Variants in IGSF11 observed in about 807,000 individuals in gnomAD.
IGSF11 encodes the protein immunoglobulin superfamily member 11.
In IGSF11, 22 loss-of-function variants were observed where a neutral mutation model predicts 41.0. That is an observed-to-expected ratio of 0.54 (90% confidence interval 0.38 to 0.77). IGSF11 has a LOEUF of 0.77. IGSF11 is among the 30% of genes least tolerant of loss of function. The probability of loss-of-function intolerance (pLI) is 0.00; values close to 1 mark genes in which losing one functional copy is unlikely to be tolerated. For synonymous variants in IGSF11, 219 were observed against 201.3 expected (o/e 1.09, Z -0.74); for missense variants, 444 against 530.8 (o/e 0.84, Z 1.61).
chr3:118,944,210 T>A (rs1308487898), intron 1 of IGSF11, among the ~76,000 whole-genome samples: 1 of 152,230 alleles, frequency 6.6e-6, no homozygotes, highest in East Asian at 1.9e-4. Context: ...AGAGTTTGGT[T>A]ATCCTTTTAG....
intron 1 of IGSF11, among the ~76,000 whole-genome samples, chr3:119,097,189 C>T (rs570569853): frequency 1.3e-5 from 2 of 152,162 alleles, no homozygotes; most frequent in East Asian, 3.9e-4. Context: ...CTTTGGGAGC[C>T]CCTATTTTGT....
chr3:119,130,691 C>A (rs2077470046), intron 1 of IGSF11, among the ~76,000 whole-genome samples: 1 of 152,194 alleles, frequency 6.6e-6, no homozygotes, highest in South Asian at 2.1e-4. Context: ...TCTGACAGCT[C>A]TGAAGAGAGC....
chr3:118,923,786 G>T (rs1015029788), intron 4 of IGSF11, among the ~76,000 whole-genome samples: 1 of 152,114 alleles, frequency 6.6e-6, no homozygotes. Context: ...ATGAGATTTA[G>T]GTTATGTGTT....
intron 1 of IGSF11, among the ~76,000 whole-genome samples, chr3:119,133,947 A>G (rs1352149873): frequency 1.3e-5 from 2 of 152,156 alleles, no homozygotes; most frequent in Non-Finnish European, 2.9e-5. Flanking sequence ...AATCCATCAC[A>G]TAAACAGAAC....
At chr3:118,927,761 C>T (rs1446968593) in intron 3 of IGSF11, among the ~76,000 whole-genome samples, 5 of 152,144 alleles carry the variant, frequency 3.3e-5, no homozygotes, top group Non-Finnish European at 5.9e-5. Context: ...GTTTAGCCAC[C>T]TCTACCACAA....
intron 1 of IGSF11, among the ~76,000 whole-genome samples, chr3:119,091,643 G>A (rs1051605952): frequency 6.6e-6 from 1 of 152,112 alleles, no homozygotes; most frequent in Non-Finnish European, 1.5e-5. Context: ...TTATAACTGG[G>A]AGCTAAACAC....
intron 1 of IGSF11, among the ~76,000 whole-genome samples, chr3:119,097,498 G>T (rs2076872717): frequency 6.6e-6 from 1 of 151,998 alleles, no homozygotes; most frequent in African/African-American, 2.4e-5. Flanking sequence ...GCAAGCACAG[G>T]TTGGGGGTGA....
intron 4 of IGSF11, 160 bp downstream of exon 4, chr3:118,925,941 T>C (rs538342191): frequency 4.7e-6 from 2 of 425,464 alleles, no homozygotes; most frequent in East Asian, 3.6e-5. Flanking sequence ...AGAGAGAAAA[T>C]CTTTTATTCA....
At chr3:118,911,254 CA>C (rs111386363) in intron 4 of IGSF11, among the ~76,000 whole-genome samples, 7,119 of 147,034 alleles carry the variant, frequency 0.048, 544 homozygotes, top group African/African-American at 0.17. Context: ...TGTCAGAGGG[CA>C]AAAAAAAAGG....
chr3:119,073,455 G>A (rs1317056862), intron 1 of IGSF11, among the ~76,000 whole-genome samples: 1 of 152,222 alleles, frequency 6.6e-6, no homozygotes, highest in Non-Finnish European at 1.5e-5. Context: ...CCATGGAGCA[G>A]GTGGTGGCGC....
intron 1 of IGSF11, among the ~76,000 whole-genome samples, chr3:119,102,385 G>A (rs2076951890): frequency 6.6e-6 from 1 of 152,200 alleles, no homozygotes; most frequent in African/African-American, 2.4e-5. Flanking sequence ...GATTGCTGCT[G>A]TGGAGGTCTG....
intron 1 of IGSF11, among the ~76,000 whole-genome samples, chr3:119,130,876 C>G (rs1377691569): frequency 1.3e-5 from 2 of 152,204 alleles, no homozygotes; most frequent in Non-Finnish European, 2.9e-5. Flanking sequence ...GCAATATTTG[C>G]TGTTCTGCAG....
At chr3:118,994,043 T>C (rs541958741) in intron 1 of IGSF11, among the ~76,000 whole-genome samples, 22 of 152,356 alleles carry the variant, frequency 1.4e-4, no homozygotes, top group Admixed American at 7.2e-4. Flanking sequence ...TAAAATAGTT[T>C]TGCATTGTGC....
intron 1 of IGSF11, among the ~76,000 whole-genome samples, chr3:119,114,166 AT>A (rs902295355): frequency 1.3e-5 from 2 of 152,160 alleles, no homozygotes; most frequent in African/African-American, 4.8e-5. Flanking sequence ...CCTTCAAGGC[AT>A]TTTCCCCATT....
intron 1 of IGSF11, among the ~76,000 whole-genome samples, chr3:118,998,411 A>G (rs1936478265): frequency 6.6e-6 from 1 of 152,150 alleles, no homozygotes; most frequent in Non-Finnish European, 1.5e-5. Context: ...AGCTCTGTAT[A>G]TTGCATTATC....
chr3:118,974,916 C>CAA (rs35575167), intron 1 of IGSF11, among the ~76,000 whole-genome samples: 10 of 145,022 alleles, frequency 6.9e-5, no homozygotes, highest in African/African-American at 2.5e-4. Flanking sequence ...TAACAGATAA[C>CAA]AAAAAAAAAA....
At chr3:119,055,726 G>C (rs1358997315) in intron 1 of IGSF11, among the ~76,000 whole-genome samples, 1 of 152,136 alleles carries the variant, frequency 6.6e-6, no homozygotes, top group Non-Finnish European at 1.5e-5. Flanking sequence ...TGGAAGTAAA[G>C]CACTCCTCAG....
At chr3:119,122,286 G>A (rs1013747485) in intron 1 of IGSF11, among the ~76,000 whole-genome samples, 1 of 152,186 alleles carries the variant, frequency 6.6e-6, no homozygotes, top group Non-Finnish European at 1.5e-5. Context: ...TGAACTCAGT[G>A]CTGCCCTCTC....
At chr3:119,087,282 A>T (rs2076691117) in intron 1 of IGSF11, among the ~76,000 whole-genome samples, 1 of 152,132 alleles carries the variant, frequency 6.6e-6, no homozygotes, top group Admixed American at 6.5e-5. Context: ...TTGCACATGC[A>T]CGTTTACAGC....
Sources: allele counts gnomAD v4.1 joint callset (sites outside exome capture counted in the v4.1 genomes callset), GRCh38; gene constraint gnomAD v4.1.1; transcripts MANE v1.5; gene names NCBI Gene and HGNC (gene_info 2026-07-23, HGNC 2026-07-21).